TRAK1: variants seen among roughly 807,000 people sequenced by gnomAD.
TRAK1 encodes trafficking kinesin protein 1, also known as trafficking kinesin-binding protein 1.
In TRAK1, 33 loss-of-function variants were observed where a neutral mutation model predicts 92.1. The ratio of observed to expected loss-of-function variants is 0.36; its 90% CI spans 0.27 to 0.48. TRAK1 has a LOEUF of 0.48. TRAK1 is among the 20% of genes least tolerant of loss of function. The probability of loss-of-function intolerance (pLI) is 0.99; values close to 1 mark genes in which losing one functional copy is unlikely to be tolerated. For synonymous variants in TRAK1, 521 were observed against 517.3 expected (o/e 1.01, Z -0.10); for missense variants, 1,123 against 1,257.9 (o/e 0.89, Z 1.62).
intron 2 of TRAK1, among the ~76,000 whole-genome samples, chr3:42,162,604 G>C (rs1376748985): frequency 1.3e-5 from 2 of 152,222 alleles, no homozygotes; most frequent in Non-Finnish European, 2.9e-5. Flanking sequence ...TTGGTGCACA[G>C]CGATGCTGTA....
intron 2 of TRAK1, among the ~76,000 whole-genome samples, chr3:42,172,558 C>G (rs1427959599): frequency 1.3e-5 from 2 of 152,192 alleles, no homozygotes; most frequent in Non-Finnish European, 2.9e-5. Context: ...AAATATAAAC[C>G]TTATTGCATA....
chr3:42,170,862 C>T (rs1437975174), intron 2 of TRAK1, among the ~76,000 whole-genome samples: 8 of 147,824 alleles, frequency 5.4e-5, no homozygotes, highest in Non-Finnish European at 7.4e-5. Flanking sequence ...CTTGCTCTGT[C>T]GCCCAGGCTG....
At chr3:42,033,247 T>C (rs1163457038) in intron 1 of TRAK1, among the ~76,000 whole-genome samples, 1 of 152,086 alleles carries the variant, frequency 6.6e-6, no homozygotes, top group Non-Finnish European at 1.5e-5. Flanking sequence ...TAGAGAGCTC[T>C]GGTGTGGGGA....
At chr3:42,060,879 C>G (rs1331350198) in intron 1 of TRAK1, among the ~76,000 whole-genome samples, 1 of 152,110 alleles carries the variant, frequency 6.6e-6, no homozygotes, top group Non-Finnish European at 1.5e-5. Flanking sequence ...GATCTGCTCA[C>G]CTTGGCCGCC....
upstream of TRAK1, among the ~76,000 whole-genome samples, chr3:42,013,567 G>T (rs1701390649): frequency 6.6e-6 from 1 of 150,870 alleles, no homozygotes; most frequent in Admixed American, 6.6e-5. This position sits in a 1 kb window ranked among gnomAD's most constrained non-coding sequence, Gnocchi z 5.1. Flanking sequence ...CGGGGCGGCG[G>T]GCGGGGCTGG....
chr3:42,178,087 T>C (rs1291233156), intron 3 of TRAK1, among the ~76,000 whole-genome samples: 3 of 152,180 alleles, frequency 2.0e-5, no homozygotes, highest in African/African-American at 7.2e-5. Context: ...CCCCCAACAG[T>C]GCTCTCCAGA....
At chr3:42,092,215 C>T (rs2148969313) in intron 1 of TRAK1, among the ~76,000 whole-genome samples, 1 of 152,256 alleles carries the variant, frequency 6.6e-6, no homozygotes, top group South Asian at 2.1e-4. Context: ...GGGGCTGACA[C>T]CTCTCACTTC....
chr3:42,054,010 G>C (rs905771840), intron 1 of TRAK1, among the ~76,000 whole-genome samples: 2 of 152,130 alleles, frequency 1.3e-5, no homozygotes, highest in African/African-American at 4.8e-5. Context: ...TGTTTCCTAA[G>C]ACCAACATCG....
intron 2 of TRAK1, among the ~76,000 whole-genome samples, chr3:42,174,647 G>GTGTA (rs1553747392): frequency 5.5e-5 from 8 of 146,656 alleles, no homozygotes; most frequent in South Asian, 2.1e-4. Flanking sequence ...ATTTTTGTGT[G>GTGTA]TATATATATA....
chr3:42,169,904 A>G lies in TRAK1; in HGVS notation c.287-6910A>G, dbSNP rs146352418. ...CTGACACTTGGATAGGGTGTCAGCT[A>G]CAGGGAGGCACCTTCTTTTTGGCCT... On this transcript the variant is annotated intron_variant, in intron 2 of 15. Coordinates refer to ENST00000327628, the MANE Select transcript of TRAK1 (RefSeq NM_001042646.3). Among the ~76,000 whole-genome samples the G allele has an allele frequency of 6.9e-3, 1,052 of 152,308 alleles. 12 individuals carry two copies. Among genetic ancestry groups the G allele is most frequent in the African/African-American group, 0.024 (1,000 of 41,558 alleles).
intron 2 of TRAK1, among the ~76,000 whole-genome samples, chr3:42,143,853 C>T (rs1177650316): frequency 2.0e-5 from 3 of 152,174 alleles, no homozygotes; most frequent in Non-Finnish European, 2.9e-5. Context: ...TGAAACTCTT[C>T]ACAGAGCTAT....
At chr3:42,122,938 C>G (rs936267199) in intron 1 of TRAK1, among the ~76,000 whole-genome samples, 3 of 152,160 alleles carry the variant, frequency 2.0e-5, no homozygotes, top group Non-Finnish European at 2.9e-5. Flanking sequence ...TAGAGTCCCC[C>G]CTCCAGGACT....
chr3:42,046,992 G>A (rs1702775445), intron 1 of TRAK1, among the ~76,000 whole-genome samples: 1 of 152,038 alleles, frequency 6.6e-6, no homozygotes, highest in Non-Finnish European at 1.5e-5. Flanking sequence ...GATTAGAATG[G>A]AAGATACTCA....
chr3:42,070,192 T>G (rs964434795), intron 1 of TRAK1, among the ~76,000 whole-genome samples: 4 of 150,936 alleles, frequency 2.7e-5, no homozygotes, highest in Admixed American at 2.6e-4. Context: ...TGAGTGAGCT[T>G]GTTACCTGCA....
intron 3 of TRAK1, among the ~76,000 whole-genome samples, chr3:42,179,634 T>A (rs1490483787): frequency 6.6e-6 from 1 of 152,118 alleles, no homozygotes; most frequent in Non-Finnish European, 1.5e-5. Flanking sequence ...GAATCTCTAG[T>A]GGGTGTGTCA....
In TRAK1 at chr3:42,200,943, C is replaced by G; in HGVS notation, c.1316C>G (p.Ser439Cys). ...TCCTCGGCCATGAACTCCCTCCTGT[C>G]CAGCTGCGTCAGCACCCCCCGGTCC... ...NQSSAMNSLLSSCVSTPRSSF... is the reference protein window; with the variant it reads ...NQSSAMNSLLCSCVSTPRSSF... Residue 439 changes from serine (S) to cysteine (C), a missense_variant, in exon 12 of 16, where the codon TCC becomes TGC. Transcript: ENST00000327628. 1 of 1,614,188 alleles carries G rather than the reference C, an allele frequency of 6.2e-7. No homozygotes were observed. The highest frequency in any genetic ancestry group is 8.5e-7 in the Non-Finnish European group (1 of 1,180,044).
In TRAK1 at chr3:42,223,161, C is replaced by G. The variant is rs567423606; in HGVS notation, c.2286C>G (p.Ala762=). The change falls in exon 16 of 16, where the codon GCC becomes GCG. Residue 762 remains alanine (A), a synonymous_variant. Coordinates refer to ENST00000327628, the MANE Select transcript of TRAK1 (RefSeq NM_001042646.3). This position sits in a 1 kb window ranked among gnomAD's most constrained non-coding sequence, Gnocchi z 6.1. ...ACGACCCCCAGAGCTGGGACAGGGC[C>G]GGCCGGGGCTCCCTCCTGCACTCCT... ...AVYDPQSWDR[A]GRGSLLHSYT... is the part of the protein sequence containing the mutation. 6 of 1,614,002 alleles carry G rather than the reference C, an allele frequency of 3.7e-6. No individual in the cohort carries two copies. Among genetic ancestry groups the G allele is most frequent in the Non-Finnish European group, 5.1e-6 (6 of 1,180,014 alleles).
chr3:42,213,308 C>T (rs765390880), intron 14 of TRAK1, among the ~76,000 whole-genome samples: 7 of 152,128 alleles, frequency 4.6e-5, no homozygotes, highest in Non-Finnish European at 4.4e-5. Flanking sequence ...CTGACCGCCT[C>T]GACCTCCCAA....
chr3:42,130,547 C>A (rs1697057629), intron 2 of TRAK1, among the ~76,000 whole-genome samples: 1 of 152,184 alleles, frequency 6.6e-6, no homozygotes, highest in East Asian at 1.9e-4. Context: ...GTTTGCATTT[C>A]AGCTCAGGTT....
Sources: allele counts gnomAD v4.1 joint callset (sites outside exome capture counted in the v4.1 genomes callset), GRCh38; gene constraint gnomAD v4.1.1; non-coding constraint Gnocchi (gnomAD v3.1); transcripts MANE v1.5; gene names NCBI Gene and HGNC (gene_info 2026-07-23, HGNC 2026-07-21).